SDAD1: variants seen among roughly 807,000 people sequenced by gnomAD.
The protein encoded by SDAD1 is SDA1 domain containing 1.
SDAD1 carries 79 observed loss-of-function variants against 100.3 expected under a neutral mutation model. That is an observed-to-expected ratio of 0.79 (90% CI 0.66 to 0.95). The LOEUF is 0.95. Among genes scored for constraint, SDAD1 ranks in the 40% least tolerant of loss-of-function variants. The pLI, the probability that SDAD1 is intolerant of heterozygous loss-of-function variation, is 0.00. For missense variants in SDAD1, 790 were observed against 810.9 expected (o/e 0.97, Z 0.31); for synonymous variants, 267 against 271.4 (o/e 0.98, Z 0.16).
intron 11 of SDAD1, among the ~76,000 whole-genome samples, chr4:75,968,072 TTTGG>T (rs1266677755): frequency 5.9e-4 from 90 of 152,308 alleles, no homozygotes; most frequent in African/African-American, 1.9e-3. Context: ...CAGGGAAGAC[TTTGG>T]TTGAACATAA....
chr4:75,974,413 A>C (rs1274977568), intron 6 of SDAD1, among the ~76,000 whole-genome samples: 3 of 151,908 alleles, frequency 2.0e-5, no homozygotes, highest in Admixed American at 2.0e-4. Context: ...AAAAAAAAAA[A>C]AAAAAAACAA....
intron 13 of SDAD1, among the ~76,000 whole-genome samples, chr4:75,965,193 ATC>A (rs1729467635): frequency 6.6e-6 from 1 of 152,192 alleles, no homozygotes; most frequent in Admixed American, 6.5e-5. Flanking sequence ...CTCTAGGGAC[ATC>A]TGTCTTTTAA....
intron 21 of SDAD1, among the ~76,000 whole-genome samples, chr4:75,951,083 C>G (rs1404691579): frequency 6.6e-6 from 1 of 151,956 alleles, no homozygotes. Context: ...ATCCCTGTCT[C>G]CAGGGATAAT....
At chr4:75,989,649 G>A (rs531328542) in intron 1 of SDAD1, among the ~76,000 whole-genome samples, 3 of 152,336 alleles carry the variant, frequency 2.0e-5, no homozygotes, top group South Asian at 2.1e-4. Flanking sequence ...GTTATCTAAC[G>A]GAATTATATA....
At chr4:75,986,489 A>G (rs957576642) in intron 1 of SDAD1, among the ~76,000 whole-genome samples, 1 of 151,880 alleles carries the variant, frequency 6.6e-6, no homozygotes, top group Admixed American at 6.6e-5. Flanking sequence ...TTAACCACCT[A>G]TCTTCTCCTG....
intron 3 of SDAD1, among the ~76,000 whole-genome samples, chr4:75,979,465 CTATTAT>C (rs999397161): frequency 2.6e-5 from 4 of 151,666 alleles, no homozygotes; most frequent in African/African-American, 4.8e-5. Flanking sequence ...AAGGAAATCT[CTATTAT>C]TATTATTATT....
chr4:75,958,572 C>A (rs1165728097), intron 17 of SDAD1, among the ~76,000 whole-genome samples: 1 of 152,142 alleles, frequency 6.6e-6, no homozygotes, highest in East Asian at 1.9e-4. Context: ...TTTAAGAGAA[C>A]GTGCCAGCTC....
intron 21 of SDAD1, among the ~76,000 whole-genome samples, chr4:75,951,748 A>G (rs1309063716): frequency 6.6e-6 from 1 of 152,200 alleles, no homozygotes; most frequent in African/African-American, 2.4e-5. Context: ...AAGAAAGCAA[A>G]CATAGTATTA....
At chr4:75,973,450 C>T (rs1447013406) in intron 7 of SDAD1, 59 bp from the exon 8 acceptor site, 1 of 1,240,524 alleles carries the variant, frequency 8.1e-7, no homozygotes, top group Non-Finnish European at 1.2e-6. Context: ...AAGAATAAAT[C>T]CTTTTGAGTA....
chr4:75,969,542 A>C (rs1295866273), intron 10 of SDAD1, 143 bp from the exon 11 acceptor site: 6 of 559,808 alleles, frequency 1.1e-5, no homozygotes, highest in Non-Finnish European at 1.9e-5. Context: ...AATGGTGCCC[A>C]AAGTTAAGTC....
chr4:75,969,463 A>C (rs1482169000), intron 10 of SDAD1, 64 bp from the exon 11 acceptor site: 7 of 1,085,628 alleles, frequency 6.4e-6, no homozygotes, highest in Non-Finnish European at 9.8e-6. Context: ...TTTATGTAAC[A>C]GGCGTAGGAA....
At chr4:75,962,070 C>A (rs1167568026) in intron 14 of SDAD1, among the ~76,000 whole-genome samples, 3 of 152,094 alleles carry the variant, frequency 2.0e-5, no homozygotes, top group Non-Finnish European at 4.4e-5. Flanking sequence ...CACGACAGGC[C>A]CCGGTGTGTG....
intron 17 of SDAD1, among the ~76,000 whole-genome samples, chr4:75,959,109 A>C (rs1427866740): frequency 2.9e-4 from 42 of 145,478 alleles, no homozygotes; most frequent in African/African-American, 8.1e-4. Context: ...AAAAAAAAAA[A>C]AAAAAAAAAA....
chr4:75,977,817 A>G, intron 3 of SDAD1, 61 bp from the exon 4 acceptor site: 1 of 966,832 alleles, frequency 1.0e-6, no homozygotes, highest in East Asian at 2.4e-5. Context: ...GAGAAAATAC[A>G]GCGTATATGT....
intron 21 of SDAD1, among the ~76,000 whole-genome samples, chr4:75,953,361 T>A (rs3796484): frequency 0.22 from 33,712 of 152,094 alleles, 4,195 homozygotes; most frequent in East Asian, 0.37. Flanking sequence ...AGAAACCTTA[T>A]AATGAAACAA....
At chr4:75,971,235 T>C (rs1014252453) in intron 9 of SDAD1, 122 bp downstream of exon 9, 19 of 656,602 alleles carry the variant, frequency 2.9e-5, no homozygotes, top group Middle Eastern at 4.2e-4. Flanking sequence ...TAAAAATTTA[T>C]CTAACATTTC....
chr4:75,982,648 C>CAAAATA (rs1430993681), intron 1 of SDAD1, among the ~76,000 whole-genome samples: 1 of 151,808 alleles, frequency 6.6e-6, no homozygotes, highest in Non-Finnish European at 1.5e-5. Flanking sequence ...CCCTGTCTCA[C>CAAAATA]AAAATAAAAA....
At chr4:75,990,274 AC>A (rs11294605) in intron 1 of SDAD1, among the ~76,000 whole-genome samples, 44,305 of 118,992 alleles carry the variant, frequency 0.37, 6,731 homozygotes, top group Admixed American at 0.43. Flanking sequence ...TGCTTGAGAA[AC>A]CCCCCCCCCC....
At chr4:75,987,710 C>A (rs1730987936) in intron 1 of SDAD1, among the ~76,000 whole-genome samples, 2 of 152,166 alleles carry the variant, frequency 1.3e-5, no homozygotes. Context: ...CCATGTTGGT[C>A]AGGCTGGTCT....
Sources: gnomAD v4.1 joint callset for allele counts (sites outside exome capture counted in the v4.1 genomes callset) on GRCh38, gnomAD v4.1.1 for gene constraint, MANE v1.5 for transcripts, NCBI Gene and HGNC (gene_info 2026-07-23, HGNC 2026-07-21) for gene names.